MYO1D: variants seen among roughly 807,000 people sequenced by gnomAD.
MYO1D encodes the protein myosin ID, also known as unconventional myosin-Id.
In MYO1D, 83 loss-of-function variants were observed where a neutral mutation model predicts 122.0. The observed-to-expected ratio is 0.68, with a 90% confidence interval of 0.57 to 0.82. The LOEUF is 0.82. MYO1D is among the 40% of genes least tolerant of loss of function. The pLI is 0.00. For synonymous variants in MYO1D, 464 were observed against 446.9 expected, an observed-to-expected ratio of 1.04 and a Z score of -0.48; for missense variants, 1,157 against 1,269.5, an observed-to-expected ratio of 0.91 and a Z score of 1.35.
intron 12 of MYO1D, among the ~76,000 whole-genome samples, chr17:32,747,832 A>T (rs1423686645): frequency 6.6e-6 from 1 of 151,610 alleles, no homozygotes; most frequent in Non-Finnish European, 1.5e-5. Flanking sequence ...GCGAGACTCC[A>T]TCTCAAAAAA....
At chr17:32,745,505 A>G (rs2089825935) in intron 12 of MYO1D, 2 of 407,872 alleles carry the variant, frequency 4.9e-6, no homozygotes, top group Admixed American at 4.4e-5. Flanking sequence ...ATAATTCCCT[A>G]CTGGTTTATT....
intron 20 of MYO1D, among the ~76,000 whole-genome samples, chr17:32,635,458 T>G (rs1344685723): frequency 6.6e-6 from 1 of 152,136 alleles, no homozygotes; most frequent in Non-Finnish European, 1.5e-5. Flanking sequence ...CCCAGCGCTT[T>G]GAGAGGCCAA....
At chr17:32,535,023 T>C (rs912728383) in intron 21 of MYO1D, among the ~76,000 whole-genome samples, 1 of 152,180 alleles carries the variant, frequency 6.6e-6, no homozygotes, top group African/African-American at 2.4e-5. Flanking sequence ...TCCATACAGA[T>C]ATATCTAGTG....
At chr17:32,666,951 C>T (rs547849341) in intron 16 of MYO1D, among the ~76,000 whole-genome samples, 5 of 152,300 alleles carry the variant, frequency 3.3e-5, no homozygotes, top group South Asian at 4.1e-4. Flanking sequence ...TGGGGATCTT[C>T]GAGATGTCCA....
intron 21 of MYO1D, among the ~76,000 whole-genome samples, chr17:32,537,384 T>C (rs1910694078): frequency 6.6e-6 from 1 of 152,192 alleles, no homozygotes; most frequent in Admixed American, 6.5e-5. Context: ...TGTGACACAA[T>C]GGAAGAGCCG....
At chr17:32,728,125 CAAAG>C (rs1051136561) in intron 14 of MYO1D, among the ~76,000 whole-genome samples, 3 of 151,124 alleles carry the variant, frequency 2.0e-5, no homozygotes, top group Admixed American at 2.0e-4. Flanking sequence ...GTTTACAAAA[CAAAG>C]AAGTCAGGAA....
chr17:32,674,214 C>A (rs1236841523), intron 16 of MYO1D, among the ~76,000 whole-genome samples: 1 of 152,178 alleles, frequency 6.6e-6, no homozygotes. Context: ...CATTTCCCAC[C>A]AAGTACTGGG....
At chr17:32,530,399 T>C (rs1156916845) in intron 21 of MYO1D, among the ~76,000 whole-genome samples, 1 of 152,188 alleles carries the variant, frequency 6.6e-6, no homozygotes, top group Non-Finnish European at 1.5e-5. Context: ...AATTACATGA[T>C]GAGAAGAGAA....
intron 5 of MYO1D, 79 bp from the exon 6 acceptor site, chr17:32,771,299 AT>A: frequency 9.9e-7 from 1 of 1,007,780 alleles, no homozygotes; most frequent in South Asian, 1.6e-5. Flanking sequence ...TCTAGCTTTT[AT>A]TCATTTTCTG....
chr17:32,844,838 C>T (rs1315648982), intron 1 of MYO1D, among the ~76,000 whole-genome samples: 1 of 152,102 alleles, frequency 6.6e-6, no homozygotes, highest in Non-Finnish European at 1.5e-5. Flanking sequence ...GGGAGACTTT[C>T]TCTTTATAAA....
At chr17:32,539,560 T>C (rs1278734107) in intron 21 of MYO1D, among the ~76,000 whole-genome samples, 1 of 152,172 alleles carries the variant, frequency 6.6e-6, no homozygotes, top group Non-Finnish European at 1.5e-5. Flanking sequence ...TTCGGGTGGC[T>C]GCCAGCACTC....
chr17:32,600,758 CGTATCA>C, intron 21 of MYO1D, among the ~76,000 whole-genome samples: 1 of 152,258 alleles, frequency 6.6e-6, no homozygotes, highest in East Asian at 1.9e-4. Context: ...AAACTTTCTC[CGTATCA>C]GCAATAAGAC....
intron 15 of MYO1D, among the ~76,000 whole-genome samples, chr17:32,719,949 G>A (rs1247388727): frequency 4.6e-5 from 7 of 152,120 alleles, no homozygotes; most frequent in Non-Finnish European, 8.8e-5. Context: ...TTCCCTGGCT[G>A]TTCCCTCTGC....
At chr17:32,794,438 T>G (rs1567645761) in intron 1 of MYO1D, 1 of 152,132 alleles carries the variant, frequency 6.6e-6, no homozygotes, top group Non-Finnish European at 1.5e-5. Context: ...AACACAATTC[T>G]TTTATTTATT....
At chr17:32,677,580 A>AATAT (rs10523328) in intron 16 of MYO1D, among the ~76,000 whole-genome samples, 2,810 of 134,618 alleles carry the variant, frequency 0.021, 44 homozygotes, top group East Asian at 0.036. Flanking sequence ...TAGATAGATA[A>AATAT]ATATATATAT....
At chr17:32,818,506 T>C (rs1444237262) in intron 1 of MYO1D, among the ~76,000 whole-genome samples, 1 of 152,146 alleles carries the variant, frequency 6.6e-6, no homozygotes, top group African/African-American at 2.4e-5. Flanking sequence ...ATCAAAAAAA[T>C]GGGGCTTGCA....
intron 1 of MYO1D, among the ~76,000 whole-genome samples, chr17:32,804,196 T>C (rs796813277): frequency 3.3e-5 from 5 of 152,204 alleles, no homozygotes; most frequent in African/African-American, 7.2e-5. Flanking sequence ...CCCAATACTA[T>C]GCAAACACGA....
intron 1 of MYO1D, among the ~76,000 whole-genome samples, chr17:32,829,479 A>G (rs1028557838): frequency 1.3e-5 from 2 of 152,158 alleles, no homozygotes; most frequent in African/African-American, 4.8e-5. Context: ...TTGGAGACAG[A>G]GTCTTGCTCT....
chr17:32,836,958 T>C (rs2090831446), intron 1 of MYO1D, among the ~76,000 whole-genome samples: 1 of 152,134 alleles, frequency 6.6e-6, no homozygotes, highest in Non-Finnish European at 1.5e-5. Context: ...CCTGAGGAGA[T>C]ACTGCCAGTT....
Sources: gnomAD v4.1 joint callset for allele counts (sites outside exome capture counted in the v4.1 genomes callset) on GRCh38, gnomAD v4.1.1 for gene constraint, MANE v1.5 for transcripts, NCBI Gene and HGNC (gene_info 2026-07-23, HGNC 2026-07-21) for gene names.